Variants in GRM5 observed in about 807,000 individuals in gnomAD.
The protein encoded by GRM5 is metabotropic glutamate receptor 5.
In GRM5, 19 loss-of-function variants were observed where a neutral mutation model predicts 83.1. The observed-to-expected ratio is 0.23, with a 90% CI of 0.16 to 0.34. The LOEUF (loss-of-function observed/expected upper bound fraction) is 0.34, where lower values mean the gene tolerates loss of function less well. GRM5 is among the 10% of genes least tolerant of loss of function. The probability of loss-of-function intolerance (pLI) is 1.00; values close to 1 mark genes in which losing one functional copy is unlikely to be tolerated. For missense variants in GRM5, 1,160 were observed against 1,588.3 expected (o/e 0.73, Z 4.58); for synonymous variants, 675 against 633.6 (o/e 1.07, Z -0.98).
chr11:88,636,191 C>A (rs1214926660), intron 4 of GRM5, among the ~76,000 whole-genome samples: 1 of 152,122 alleles, frequency 6.6e-6, no homozygotes, highest in African/African-American at 2.4e-5. Flanking sequence ...CCTTTCCTGA[C>A]CACAGGGAAA....
rs1347264554 is a variant in GRM5, at chr11:88,509,275, C to A, written c.2956G>T (p.Gly986Cys). ...TCTGGGGACTCGGGCCCGCCTGGGC[C>A]GGCGCCTGCGCAGCCCGCACCGCCC... ...ATGGAGCAGA[G>C]PGGPESPDAG... The change falls in exon 10 of 10, where the codon GGC (glycine) becomes TGC (cysteine). Residue 986 changes from glycine (G) to cysteine (C), a missense_variant. By Grantham distance (159) the Gly-to-Cys change is radical (BLOSUM62 -3). Transcript: ENST00000305447. 3.4e-6 allele frequency: 5 copies of A among 1,466,024 alleles called. No homozygotes were observed. Among genetic ancestry groups the A allele is most frequent in the South Asian group, 2.7e-5 (2 of 74,740 alleles). 90.8% of individuals were successfully genotyped at this position (1,466,024 alleles called of 1,614,324 possible).
chr11:89,041,894 G>A (rs911165824), intron 2 of GRM5, among the ~76,000 whole-genome samples: 24 of 152,198 alleles, frequency 1.6e-4, no homozygotes, highest in African/African-American at 5.5e-4. Flanking sequence ...TAATTTCAAA[G>A]ATTTCTGGGG....
At chr11:88,928,488 A>ATACG (rs1945830675) in intron 2 of GRM5, among the ~76,000 whole-genome samples, 1 of 27,172 alleles carries the variant, frequency 3.7e-5, no homozygotes, top group Admixed American at 7.0e-4. Flanking sequence ...ATATATGTAT[A>ATACG]TATGTATATA....
chr11:88,973,887 G>A (rs537733318), intron 2 of GRM5, among the ~76,000 whole-genome samples: 42 of 152,162 alleles, frequency 2.8e-4, no homozygotes, highest in African/African-American at 7.5e-4. Flanking sequence ...TTAAATTACC[G>A]AATAATGCTT....
At chr11:89,038,969 A>T (rs1221683570) in intron 2 of GRM5, among the ~76,000 whole-genome samples, 1 of 152,186 alleles carries the variant, frequency 6.6e-6, no homozygotes, top group African/African-American at 2.4e-5. Flanking sequence ...ACCAAATTTA[A>T]AATATAGTAT....
chr11:88,910,544 G>T (rs1369709898), intron 2 of GRM5, among the ~76,000 whole-genome samples: 1 of 152,048 alleles, frequency 6.6e-6, no homozygotes, highest in Non-Finnish European at 1.5e-5. Context: ...ATTGTGATGG[G>T]TATAGTTTTG....
intron 3 of GRM5, among the ~76,000 whole-genome samples, chr11:88,705,891 C>A (rs1941146421): frequency 6.6e-6 from 1 of 152,024 alleles, no homozygotes; most frequent in African/African-American, 2.4e-5. Context: ...ACTTATTAAA[C>A]CAATCTATTA....
At chr11:88,534,398 G>A (rs1035767795) in intron 8 of GRM5, among the ~76,000 whole-genome samples, 16 of 152,210 alleles carry the variant, frequency 1.1e-4, no homozygotes, top group Admixed American at 9.2e-4. Context: ...TTGCAGTAGC[G>A]TGACCTGGAT....
chr11:89,026,107 A>C (rs1389429759), intron 2 of GRM5, among the ~76,000 whole-genome samples: 1 of 152,200 alleles, frequency 6.6e-6, no homozygotes, highest in Admixed American at 6.6e-5. Flanking sequence ...GATGAGCTAA[A>C]TATTGAAAGC....
At chr11:88,796,845 G>T (rs1943284312) in intron 3 of GRM5, among the ~76,000 whole-genome samples, 2 of 151,512 alleles carry the variant, frequency 1.3e-5, no homozygotes, top group Non-Finnish European at 2.9e-5. Flanking sequence ...AGAAACAGGT[G>T]CCTGTATTTC....
In GRM5 at chr11:88,590,566, G is replaced by C. The variant is rs1293441424; in HGVS notation, c.1690+35C>G. 1.9e-6 allele frequency: 3 copies of C among 1,590,846 alleles called. No homozygotes were observed. The African/African-American group carries it at 4.0e-5, about 21-fold the overall frequency. ...TCTCCCACGTCTGCACCATTTTTCA[G>C]TTAATTTATATGTGGTGAGATTGTG... On this transcript the variant is annotated intron_variant, in intron 7 of 9. Coordinates refer to ENST00000305447, the MANE Select transcript of GRM5 (RefSeq NM_001143831.3).
chr11:89,063,754 G>C (rs1055200760), intron 1 of GRM5: 2 of 152,246 alleles, frequency 1.3e-5, no homozygotes, highest in African/African-American at 2.4e-5. Context: ...ATAGAGAACA[G>C]AGTTCTTTGC....
chr11:88,741,890 A>C (rs1942037918), intron 3 of GRM5, among the ~76,000 whole-genome samples: 1 of 151,760 alleles, frequency 6.6e-6, no homozygotes, highest in Non-Finnish European at 1.5e-5. Context: ...AGAAAGGTAG[A>C]CAAGCAGCAA....
chr11:88,837,039 T>C (rs1944105899), intron 3 of GRM5, among the ~76,000 whole-genome samples: 2 of 152,334 alleles, frequency 1.3e-5, no homozygotes, highest in South Asian at 4.1e-4. Context: ...GCAGTTTGAA[T>C]AGTCCATCTA....
At chr11:88,762,904 G>T (rs1032549295) in intron 3 of GRM5, among the ~76,000 whole-genome samples, 1 of 151,890 alleles carries the variant, frequency 6.6e-6, no homozygotes, top group African/African-American at 2.4e-5. Flanking sequence ...ATTATCCTTA[G>T]CCAACTAACA....
At chr11:88,581,153 G>A (rs982491229) in intron 7 of GRM5, among the ~76,000 whole-genome samples, 1 of 151,840 alleles carries the variant, frequency 6.6e-6, no homozygotes, top group African/African-American at 2.4e-5. Context: ...AATAAACACA[G>A]GTTAAAACTT....
intron 3 of GRM5, among the ~76,000 whole-genome samples, chr11:88,668,762 T>C (rs1256433931): frequency 6.6e-6 from 1 of 152,230 alleles, no homozygotes; most frequent in African/African-American, 2.4e-5. Context: ...CTTATTCGTC[T>C]TGCAGAACTG....
At chr11:88,648,495 G>T (rs1408494978) in intron 4 of GRM5, among the ~76,000 whole-genome samples, 1 of 108,986 alleles carries the variant, frequency 9.2e-6, no homozygotes, top group East Asian at 2.9e-4. Context: ...ACACTCTGGG[G>T]ACTGTGGTGG....
intron 4 of GRM5, among the ~76,000 whole-genome samples, chr11:88,632,172 C>A (rs922577777): frequency 6.6e-6 from 1 of 151,610 alleles, no homozygotes; most frequent in African/African-American, 2.4e-5. Flanking sequence ...CAGGCAACCA[C>A]TGATTTGCTT....
Sources: allele counts gnomAD v4.1 joint callset (sites outside exome capture counted in the v4.1 genomes callset), GRCh38; gene constraint gnomAD v4.1.1; transcripts MANE v1.5; gene names NCBI Gene and HGNC (gene_info 2026-07-23, HGNC 2026-07-21).